DMD: variants seen among roughly 807,000 people sequenced by gnomAD.
The protein encoded by DMD is mutant dystrophin.
In DMD, 63 loss-of-function variants were observed where a neutral mutation model predicts 330.1. The ratio of observed to expected loss-of-function variants is 0.19; its 90% CI spans 0.16 to 0.24. The LOEUF (loss-of-function observed/expected upper bound fraction) is 0.24. Among genes scored for constraint, DMD ranks in the 10% least tolerant of loss-of-function variants. The probability of loss-of-function intolerance (pLI) is 1.00; values close to 1 mark genes in which losing one functional copy is unlikely to be tolerated. For missense variants in DMD, 3,344 were observed against 2,684.1 expected (o/e 1.25, Z -5.43); for synonymous variants, 1,223 against 959.8 (o/e 1.27, Z -5.07).
intron 45 of DMD, among the ~76,000 whole-genome samples, chrX:31,954,263 A>G (rs1384792337): frequency 4.5e-5 from 5 of 111,496 alleles, no homozygotes; most frequent in Non-Finnish European, 9.4e-5. Context: ...CTCATCTACA[A>G]TTTACAGAAC....
At chrX:31,241,284 C>A (rs1056125795) in intron 63 of DMD, among the ~76,000 whole-genome samples, 1 of 111,299 alleles carries the variant, frequency 9.0e-6, no homozygotes, top group Non-Finnish European at 1.9e-5. Context: ...GTTAAAAGTA[C>A]ACGTAAATCC....
chrX:32,598,541 T>C (rs752311537), intron 12 of DMD, among the ~76,000 whole-genome samples: 1 of 112,211 alleles, frequency 8.9e-6, no homozygotes, highest in African/African-American at 3.2e-5. Context: ...ATTACAAAAT[T>C]ACAAGTAAAT....
At chrX:32,124,105 G>A (rs770493224) in intron 44 of DMD, among the ~76,000 whole-genome samples, 411 of 111,724 alleles carry the variant, frequency 3.7e-3, no homozygotes, top group Non-Finnish European at 5.3e-3. Context: ...CTCAATGCTG[G>A]AAATATCTAA....
chrX:32,234,924 G>C (rs1183222189), intron 43 of DMD, among the ~76,000 whole-genome samples: 1 of 111,596 alleles, frequency 9.0e-6, no homozygotes, highest in Non-Finnish European at 1.9e-5. Flanking sequence ...GTTCACATGG[G>C]AAGTAAAAGG....
At chrX:32,656,829 G>T (rs1048421881) in intron 9 of DMD, among the ~76,000 whole-genome samples, 1 of 111,713 alleles carries the variant, frequency 9.0e-6, no homozygotes, top group African/African-American at 3.3e-5. Flanking sequence ...AAGGTCATTT[G>T]TGCTTCCAAT....
At chrX:33,000,825 T>C (rs1388906580) in intron 2 of DMD, among the ~76,000 whole-genome samples, 1 of 112,330 alleles carries the variant, frequency 8.9e-6, no homozygotes, top group African/African-American at 3.2e-5. Flanking sequence ...AATGAGGCTA[T>C]AAGAAATGTA....
chrX:31,184,326 G>A lies in DMD; in HGVS notation c.9808-1422C>T, dbSNP rs2041505002. On this transcript the variant is annotated intron_variant, in intron 67 of 78. Coordinates refer to ENST00000357033, the MANE Select transcript of DMD (RefSeq NM_004006.3). Reference sequence around the variant, plus strand: ...TTGCTGCTGAGAAGTCAATAGTAAAGATGACTGTTGCTCCTTTGCAAAAAA... The same window carrying A: ...TTGCTGCTGAGAAGTCAATAGTAAAAATGACTGTTGCTCCTTTGCAAAAAA... Among the ~76,000 whole-genome samples the A allele has an allele frequency of 2.7e-5, 3 of 111,947 alleles. No individual in the cohort carries two copies. The Admixed American group carries it at 2.8e-4, about 11-fold the overall frequency.
chrX:32,845,188 G>C (rs932278893), intron 3 of DMD, among the ~76,000 whole-genome samples: 2 of 111,757 alleles, frequency 1.8e-5, no homozygotes, highest in African/African-American at 3.3e-5. Flanking sequence ...ACATTTTCTA[G>C]TAAGATAGAA....
intron 56 of DMD, among the ~76,000 whole-genome samples, chrX:31,505,697 G>A (rs952015639): frequency 2.1e-4 from 23 of 110,194 alleles, no homozygotes; most frequent in African/African-American, 6.9e-4. Flanking sequence ...GAAGTGGTGC[G>A]ATCTCGGCTC....
chrX:33,059,288 T>C (rs186783476), intron 1 of DMD, among the ~76,000 whole-genome samples: 38 of 111,536 alleles, frequency 3.4e-4, no homozygotes, highest in Non-Finnish European at 6.8e-4. Context: ...TCTCGTCTAA[T>C]ATTCTTTTAT....
chrX:32,951,429 A>AT (rs2091242117), intron 2 of DMD, among the ~76,000 whole-genome samples: 1 of 112,218 alleles, frequency 8.9e-6, no homozygotes, highest in Non-Finnish European at 1.9e-5. Flanking sequence ...CTTATGATTC[A>AT]TTTGTTATTC....
At chrX:31,935,781 A>AC (rs2094915657) in intron 45 of DMD, among the ~76,000 whole-genome samples, 2 of 83,736 alleles carry the variant, frequency 2.4e-5, no homozygotes, top group Admixed American at 1.2e-4. Flanking sequence ...GAAAACCCCA[A>AC]ACCCCCCAAA....
chrX:31,911,784 G>T (rs1407624436), intron 47 of DMD, among the ~76,000 whole-genome samples: 1 of 111,189 alleles, frequency 9.0e-6, no homozygotes, highest in Non-Finnish European at 1.9e-5. Flanking sequence ...GACAATGACC[G>T]ATTGAGACCA....
chrX:32,392,815 T>C (rs1292161665), intron 30 of DMD, among the ~76,000 whole-genome samples: 1 of 112,546 alleles, frequency 8.9e-6, no homozygotes, highest in African/African-American at 3.2e-5. Flanking sequence ...CCATCCAACA[T>C]ATTATGCTCT....
At chrX:31,753,673 G>A (rs1326614288) in intron 51 of DMD, among the ~76,000 whole-genome samples, 1 of 111,590 alleles carries the variant, frequency 9.0e-6, no homozygotes, top group Non-Finnish European at 1.9e-5. Context: ...TGATGATTCT[G>A]AGAAAAATCA....
intron 52 of DMD, among the ~76,000 whole-genome samples, chrX:31,713,991 G>A (rs2084838295): frequency 9.0e-6 from 1 of 111,567 alleles, no homozygotes; most frequent in Non-Finnish European, 1.9e-5. Flanking sequence ...CTCACTCTAG[G>A]TTGATTTCTT....
intron 2 of DMD, among the ~76,000 whole-genome samples, chrX:33,010,049 T>G (rs1357282924): frequency 5.4e-5 from 5 of 93,139 alleles, no homozygotes; most frequent in African/African-American, 1.9e-4. Context: ...TACACATGTG[T>G]ATATATACGT....
intron 29 of DMD, among the ~76,000 whole-genome samples, chrX:32,416,427 A>G (rs749956726): frequency 8.9e-6 from 1 of 111,966 alleles, no homozygotes; most frequent in East Asian, 2.8e-4. Flanking sequence ...TAGACATGTA[A>G]AACATTTCAA....
chrX:31,448,390 T>C (rs1237435821), intron 59 of DMD, among the ~76,000 whole-genome samples: 2 of 112,224 alleles, frequency 1.8e-5, no homozygotes, highest in Non-Finnish European at 3.8e-5. Context: ...GGGCTCTCAG[T>C]GCCCAGCAGC....
Sources: allele counts gnomAD v4.1 joint callset (sites outside exome capture counted in the v4.1 genomes callset), GRCh38; gene constraint gnomAD v4.1.1; transcripts MANE v1.5; gene names NCBI Gene and HGNC (gene_info 2026-07-23, HGNC 2026-07-21).